The following PSME4 variants were observed in gnomAD, a reference collection of about 807,000 sequenced individuals.
PSME4 encodes proteasome activator complex subunit 4.
PSME4 carries 89 observed loss-of-function variants against 253.9 expected under a neutral mutation model. That is an observed-to-expected ratio of 0.35 (90% CI 0.30 to 0.42). PSME4 has a LOEUF of 0.42. Among genes scored for constraint, PSME4 ranks in the 10% least tolerant of loss-of-function variants. The pLI, the probability that PSME4 is intolerant of heterozygous loss-of-function variation, is 1.00. For missense variants in PSME4, 2,014 were observed against 2,195.2 expected (o/e 0.92, Z 1.65); for synonymous variants, 851 against 759.2 (o/e 1.12, Z -1.99).
rs533281747 is a variant in PSME4, at chr2:53,923,203, A to G, written c.1909-85T>C. The G allele has an allele frequency of 1.3e-5, 19 of 1,474,058 alleles. No individual in the cohort carries two copies. In the South Asian group the frequency reaches 2.4e-4, roughly 19 times the overall value. 91.3% of individuals were successfully genotyped at this position (1,474,058 alleles called of 1,614,324 possible). ...TTTTCAGTGGCAGTAAAAGGCTGTA[A>G]ATAAGCAGCTACTGAAAGAACTATG... is the stretch of plus-strand genomic sequence containing the variant. On this transcript the variant is annotated intron_variant, in intron 15 of 46. Transcript: ENST00000404125.
chr2:53,970,452 G>C (rs1671011736), intron 1 of PSME4, 91 bp downstream of exon 1: 3 of 1,527,116 alleles, frequency 2.0e-6, no homozygotes, highest in Non-Finnish European at 2.6e-6. Flanking sequence ...CAGAGCTAAG[G>C]GTCCAGCCCT....
intron 29 of PSME4, 140 bp from the exon 30 acceptor site, chr2:53,898,494 A>G: frequency 1.6e-6 from 1 of 612,244 alleles, no homozygotes. Flanking sequence ...GCCTGATGAG[A>G]AGCAAGCCAG....
intron 3 of PSME4, among the ~76,000 whole-genome samples, chr2:53,942,710 T>TA (rs1224686431): frequency 6.6e-6 from 1 of 152,206 alleles, no homozygotes; most frequent in Non-Finnish European, 1.5e-5. Context: ...TACTTAGCCA[T>TA]AATAAATTGT....
intron 41 of PSME4, among the ~76,000 whole-genome samples, chr2:53,879,495 G>A (rs1679282342): frequency 6.6e-6 from 1 of 152,136 alleles, no homozygotes; most frequent in Middle Eastern, 3.2e-3. Context: ...GTAATATAAT[G>A]CTTTGTGGGA....
Position 53,936,208 on chromosome 2 carries a change from T to A in PSME4, c.760-47A>T, listed in dbSNP as rs1669107154. On this transcript the variant is annotated intron_variant, in intron 6 of 46. Transcript: ENST00000404125. ...AAAGTTAATATATTTGTTGTTATTG[T>A]TTAAGTGTCATAGTCACACCCCTCC... The A allele has an allele frequency of 1.9e-6, 3 of 1,608,870 alleles. No homozygotes were observed. The South Asian group carries it at 3.3e-5, about 18-fold the overall frequency.
In PSME4 at chr2:53,896,939, G is replaced by C. The variant is rs990636085; in HGVS notation, c.3607-54C>G. 5 of 1,304,210 alleles carry C rather than the reference G, an allele frequency of 3.8e-6. No homozygotes were observed. In the African/African-American group the frequency reaches 7.3e-5, roughly 19 times the overall value. 80.8% of individuals were successfully genotyped at this position (1,304,210 alleles called of 1,614,324 possible). A position where few individuals can be genotyped will look rare whatever the true frequency, so the allele number is the denominator to read the frequency against. Reference sequence around the variant, plus strand: ...AAAAAAAAGTTTAAATCACTTAACTGGTTGTCTGCTTTACTCAAAGCAGAA... The same window carrying C: ...AAAAAAAAGTTTAAATCACTTAACTCGTTGTCTGCTTTACTCAAAGCAGAA... On this transcript the variant is annotated intron_variant, in intron 31 of 46. Coordinates refer to ENST00000404125, the MANE Select transcript of PSME4 (RefSeq NM_014614.3).
At chr2:53,880,423 C>A (rs914746808) in intron 41 of PSME4, among the ~76,000 whole-genome samples, 1 of 151,988 alleles carries the variant, frequency 6.6e-6, no homozygotes, top group African/African-American at 2.4e-5. Flanking sequence ...AGCAAGATAT[C>A]ATCTCTTAAA....
In PSME4 at chr2:53,869,429, G is replaced by A; in HGVS notation, c.5210C>T (p.Pro1737Leu). The change falls in exon 44 of 47, where the codon CCT becomes CTT. Residue 1737 changes from proline to leucine, a missense_variant. By Grantham distance (98) the Pro-to-Leu change is moderately conservative (BLOSUM62 -3). Transcript: ENST00000404125. The stretch of plus-strand genomic sequence containing the variant: ...ACCAGGGTCTCGCTTTCTTTTCTTA[G>A]GTAGTTTTGTTTTGCAAAGTTGCTC... ...HFEQLCKTKL[P>L]KKRKRDPGSV... is the part of the protein sequence containing the mutation. 6.2e-7 allele frequency: 1 copy of A among 1,610,120 alleles called. No individual in the cohort carries two copies.
At chr2:53,867,504 A>C (rs913458449) in intron 44 of PSME4, among the ~76,000 whole-genome samples, 1 of 144,226 alleles carries the variant, frequency 6.9e-6, no homozygotes, top group Admixed American at 6.9e-5. Flanking sequence ...GTCTCAAGGA[A>C]AAAAAAAAAA....
At chr2:53,892,499 C>G (rs1679955279) in intron 36 of PSME4, among the ~76,000 whole-genome samples, 1 of 152,142 alleles carries the variant, frequency 6.6e-6, no homozygotes, top group Non-Finnish European at 1.5e-5. Context: ...CAGAGTGACA[C>G]AGTGCAATAA....
chr2:53,968,917 T>G (rs1411381914), intron 1 of PSME4, among the ~76,000 whole-genome samples: 2 of 152,194 alleles, frequency 1.3e-5, no homozygotes, highest in Non-Finnish European at 2.9e-5. Flanking sequence ...GATTCTAGGT[T>G]TATAAATCCA....
chr2:53,955,072 G>C lies in PSME4; in HGVS notation c.243-5789C>G, dbSNP rs533722309. ...TGTAGTCCCAGCTACTTGGGAGGCTGAAACACGAGGAGCATCTGAGTCTGG... is the reference window on the plus strand; with the variant it reads ...TGTAGTCCCAGCTACTTGGGAGGCTCAAACACGAGGAGCATCTGAGTCTGG... On this transcript the variant is annotated intron_variant, in intron 1 of 46. Transcript: ENST00000404125. Among the ~76,000 whole-genome samples, 15 of 152,162 alleles carry C rather than the reference G, an allele frequency of 9.9e-5. No individual in the cohort carries two copies. The East Asian group carries it at 2.9e-3, about 29-fold the overall frequency.
intron 14 of PSME4, among the ~76,000 whole-genome samples, chr2:53,924,618 TTG>T (rs1474760366): frequency 6.6e-6 from 1 of 152,006 alleles, no homozygotes; most frequent in African/African-American, 2.4e-5. Flanking sequence ...AAAAATACAG[TTG>T]TTTCTTTTTT....
At chr2:53,910,221 A>C (rs1176139438) in intron 20 of PSME4, 91 bp from the exon 21 acceptor site, 4 of 988,574 alleles carry the variant, frequency 4.0e-6, no homozygotes, top group Non-Finnish European at 4.8e-6. Flanking sequence ...TTTAAACCAA[A>C]ACAAAGATAA....
intron 1 of PSME4, among the ~76,000 whole-genome samples, chr2:53,956,472 G>T (rs1252846701): frequency 6.6e-6 from 1 of 151,874 alleles, no homozygotes; most frequent in Non-Finnish European, 1.5e-5. Flanking sequence ...GGAGGTTGTA[G>T]TGAGCCGAGA....
chr2:53,946,390 G>C (rs1384417387), intron 3 of PSME4, among the ~76,000 whole-genome samples: 1 of 152,192 alleles, frequency 6.6e-6, no homozygotes, highest in Non-Finnish European at 1.5e-5. Context: ...AAAGGTCCCT[G>C]AGATCTATGA....
chr2:53,961,957 T>TA (rs1670514326), intron 1 of PSME4, among the ~76,000 whole-genome samples: 3 of 152,126 alleles, frequency 2.0e-5, no homozygotes, highest in Admixed American at 2.0e-4. Flanking sequence ...TTAGAACTTT[T>TA]TAAAAGAGGC....
intron 31 of PSME4, 64 bp from the exon 32 acceptor site, chr2:53,896,949 T>C: frequency 8.2e-7 from 1 of 1,214,084 alleles, no homozygotes; most frequent in Non-Finnish European, 1.2e-6. Context: ...GGTTGTCTGC[T>C]TTACTCAAAG....
chr2:53,893,471 A>G (rs1231073566), intron 35 of PSME4, among the ~76,000 whole-genome samples: 1 of 152,200 alleles, frequency 6.6e-6, no homozygotes, highest in Admixed American at 6.5e-5. Flanking sequence ...ATTGTATTAT[A>G]TATTAATGCT....
Sources: allele counts gnomAD v4.1 joint callset (sites outside exome capture counted in the v4.1 genomes callset), GRCh38; gene constraint gnomAD v4.1.1; transcripts MANE v1.5; gene names NCBI Gene and HGNC (gene_info 2026-07-23, HGNC 2026-07-21).